The following ITSN1 variants were observed in gnomAD, a reference collection of about 807,000 sequenced individuals.
ITSN1 encodes the protein intersectin 1, also known as intersectin-1.
A neutral mutation model predicts 239.8 loss-of-function variants in ITSN1; 58 were observed. The observed-to-expected ratio is 0.24, with a 90% CI of 0.20 to 0.30. ITSN1 has a LOEUF of 0.30. Among genes scored for constraint, ITSN1 ranks in the 10% least tolerant of loss-of-function variants. ITSN1 has a pLI of 1.00. For synonymous variants in ITSN1, 780 were observed against 770.8 expected (o/e 1.01, Z -0.20); for missense variants, 1,558 against 2,103.3 (o/e 0.74, Z 5.07).
chr21:33,739,890 A>G (rs554640262), intron 5 of ITSN1, among the ~76,000 whole-genome samples: 3 of 152,338 alleles, frequency 2.0e-5, no homozygotes, highest in African/African-American at 7.2e-5. Flanking sequence ...AATGTAGGGG[A>G]CAAGAATGGA....
At chr21:33,683,364 C>T (rs1210354725) in intron 1 of ITSN1, among the ~76,000 whole-genome samples, 4 of 152,156 alleles carry the variant, frequency 2.6e-5, no homozygotes, top group Non-Finnish European at 4.4e-5. Flanking sequence ...AAGAACCAAG[C>T]CCCTGTTTGA....
intron 34 of ITSN1, among the ~76,000 whole-genome samples, chr21:33,879,391 G>A (rs1984525690): frequency 6.6e-6 from 1 of 152,142 alleles, no homozygotes; most frequent in Admixed American, 6.5e-5. Context: ...TAGGAGTGGA[G>A]GACCATTCTG....
At chr21:33,837,509 G>C in intron 29 of ITSN1, 1 of 985,876 alleles carries the variant, frequency 1.0e-6, no homozygotes, top group Non-Finnish European at 1.2e-6. Flanking sequence ...CAACTAAATT[G>C]TGCAGTTTGG....
intron 1 of ITSN1, among the ~76,000 whole-genome samples, chr21:33,675,818 C>T (rs1031587354): frequency 6.6e-6 from 1 of 152,168 alleles, no homozygotes; most frequent in Non-Finnish European, 1.5e-5. Context: ...AATTTCTGCT[C>T]TTGTCCTTGT....
In ITSN1 at chr21:33,779,474, T is replaced by C. The variant is rs1286091895; in HGVS notation, c.1597-1987T>C. 4.6e-5 allele frequency among the ~76,000 whole-genome samples: 7 copies of C among 152,220 alleles called. No homozygotes were observed. The East Asian group carries it at 1.3e-3, about 29-fold the overall frequency. ...TTATGGCTCAGCATATGCTCTGTCTTGGGGAATATTCTATGGGCGCTTGAA... is the reference window on the plus strand; with the variant it reads ...TTATGGCTCAGCATATGCTCTGTCTCGGGGAATATTCTATGGGCGCTTGAA... On this transcript the variant is annotated intron_variant, in intron 14 of 39. Coordinates refer to ENST00000381318, the MANE Select transcript of ITSN1 (RefSeq NM_003024.3).
chr21:33,672,120 G>A (rs1471148364), intron 1 of ITSN1, among the ~76,000 whole-genome samples: 1 of 151,860 alleles, frequency 6.6e-6, no homozygotes, highest in Non-Finnish European at 1.5e-5. Flanking sequence ...GTGCATGCCT[G>A]TAATCCCAGC....
chr21:33,813,149 A>T (rs952991077), intron 21 of ITSN1, among the ~76,000 whole-genome samples: 6 of 152,050 alleles, frequency 3.9e-5, no homozygotes, highest in Non-Finnish European at 7.4e-5. Context: ...CAATGAGGAA[A>T]TCAAATGCCT....
intron 1 of ITSN1, among the ~76,000 whole-genome samples, chr21:33,709,299 G>A (rs556464270): frequency 7.9e-5 from 12 of 152,150 alleles, no homozygotes; most frequent in East Asian, 7.7e-4. Flanking sequence ...AGTTTTCTTC[G>A]CAATATTTTG....
intron 33 of ITSN1, among the ~76,000 whole-genome samples, chr21:33,875,002 C>T (rs1448331118): frequency 6.6e-6 from 1 of 152,248 alleles, no homozygotes; most frequent in Admixed American, 6.5e-5. Context: ...TATGTACACA[C>T]TGTGATCCTG....
intron 11 of ITSN1, among the ~76,000 whole-genome samples, chr21:33,769,584 C>T (rs2068967898): frequency 6.6e-6 from 1 of 152,100 alleles, no homozygotes; most frequent in Non-Finnish European, 1.5e-5. Flanking sequence ...GGGCCCTCTT[C>T]GTAGCATGCA....
At chr21:33,870,786 G>T (rs188685624) in intron 33 of ITSN1, among the ~76,000 whole-genome samples, 3 of 152,144 alleles carry the variant, frequency 2.0e-5, no homozygotes, top group African/African-American at 7.2e-5. Flanking sequence ...AAAATTAGCC[G>T]GGAGTGATGG....
At chr21:33,677,991 C>A (rs1251992271) in intron 1 of ITSN1, among the ~76,000 whole-genome samples, 2 of 152,166 alleles carry the variant, frequency 1.3e-5, no homozygotes, top group African/African-American at 4.8e-5. Flanking sequence ...TAAATAAGAT[C>A]ATATTATTCC....
At chr21:33,784,310 AACACACACACACACACACACACAC>A (rs58496273) in intron 16 of ITSN1, among the ~76,000 whole-genome samples, 260 of 134,210 alleles carry the variant, frequency 1.9e-3, no homozygotes, top group South Asian at 2.5e-3. Flanking sequence ...GTCTCTACAA[AACACACACACACACACACACACAC>A]ACACACACAC....
intron 4 of ITSN1, among the ~76,000 whole-genome samples, chr21:33,731,172 CACCCATGAAAACACT>C (rs1219177119): frequency 6.6e-6 from 1 of 152,192 alleles, no homozygotes; most frequent in East Asian, 1.9e-4. Flanking sequence ...TTCTTCTCCT[CACCCATGAAAACACT>C]TCTGTAGGAC....
At chr21:33,799,597 A>G (rs1425523976) in intron 18 of ITSN1, among the ~76,000 whole-genome samples, 1 of 151,838 alleles carries the variant, frequency 6.6e-6, no homozygotes, top group Non-Finnish European at 1.5e-5. Flanking sequence ...GAGAGTCACT[A>G]ATGAACTCTC....
intron 1 of ITSN1, among the ~76,000 whole-genome samples, chr21:33,678,366 ATCT>A (rs907971961): frequency 2.0e-5 from 3 of 152,100 alleles, no homozygotes; most frequent in Admixed American, 1.3e-4. Context: ...ATGTAAAATG[ATCT>A]TCTTTATTTG....
In ITSN1 at chr21:33,829,672, T is replaced by A; in HGVS notation, c.3278T>A (p.Leu1093His). 3 of 1,612,684 alleles carry A rather than the reference T, an allele frequency of 1.9e-6. No individual in the cohort carries two copies. Among genetic ancestry groups the A allele is most frequent in the Non-Finnish European group, 2.5e-6 (3 of 1,179,918 alleles). ...ASYTATGPEQ[L>H]TLAPGQLILI... ...TACACCGCCACCGGCCCCGAGCAGCTCACTCTCGCCCCTGGTCAGCTGATT... is the reference window on the plus strand; with the variant it reads ...TACACCGCCACCGGCCCCGAGCAGCACACTCTCGCCCCTGGTCAGCTGATT... Residue 1093 changes from leucine to histidine, a missense_variant, in exon 27 of 40, where the codon CTC becomes CAC. This residue lies in a region of ITSN1 where 576 missense variants were observed against 893.3 expected (regional missense o/e 0.64). Coordinates refer to ENST00000381318, the MANE Select transcript of ITSN1 (RefSeq NM_003024.3).
rs543411418 is a variant in ITSN1 at position 33,820,988 on chromosome 21, G to A, written c.3016+1665G>A. ...TAGCTTCTTTGTCTGTAAATTGGCC[G>A]TGATAACTACCCCTTGAGGTAGGAA... On this transcript the variant is annotated intron_variant, in intron 24 of 39. Transcript: ENST00000381318. Among the ~76,000 whole-genome samples the A allele has an allele frequency of 2.6e-5, 4 of 152,280 alleles. No individual in the cohort carries two copies. In the East Asian group the frequency reaches 5.8e-4, roughly 22 times the overall value.
intron 34 of ITSN1, among the ~76,000 whole-genome samples, chr21:33,877,032 G>A (rs1440594204): frequency 7.7e-6 from 1 of 129,722 alleles, no homozygotes; most frequent in Non-Finnish European, 1.6e-5. Flanking sequence ...TGAACTAAAT[G>A]TTCCTTAGAA....
Sources: allele counts gnomAD v4.1 joint callset (sites outside exome capture counted in the v4.1 genomes callset), GRCh38; gene constraint gnomAD v4.1.1; regional missense constraint gnomAD v4.1.1; transcripts MANE v1.5; gene names NCBI Gene and HGNC (gene_info 2026-07-23, HGNC 2026-07-21).